RMND5B: variants seen among roughly 807,000 people sequenced by gnomAD.
RMND5B encodes the protein required for meiotic nuclear division 5 homolog B, also known as E3 ubiquitin-protein transferase RMND5B.
In RMND5B, 42 loss-of-function variants were observed where a neutral mutation model predicts 50.4. That is an observed-to-expected ratio of 0.83 (90% CI 0.65 to 1.08). The LOEUF (loss-of-function observed/expected upper bound fraction) is 1.08, where lower values mean the gene tolerates loss of function less well. Among genes scored for constraint, RMND5B ranks in the 50% least tolerant of loss-of-function variants. The probability of loss-of-function intolerance (pLI) is 0.00; values close to 1 mark genes in which losing one functional copy is unlikely to be tolerated. For synonymous variants in RMND5B, 220 were observed against 210.0 expected (o/e 1.05, Z -0.41); for missense variants, 463 against 508.5 (o/e 0.91, Z 0.86).
chr5:178,149,683 C>G lies in RMND5B; in HGVS notation c.*1651C>G, dbSNP rs766666396. Reference sequence around the variant, plus strand: ...CTGCTGCCAGCCCAATAGCTTCCAGCGGCAGGTGCCCAGGTGCTACCGGAG... The same window carrying G: ...CTGCTGCCAGCCCAATAGCTTCCAGGGGCAGGTGCCCAGGTGCTACCGGAG... On this transcript the variant is annotated 3_prime_UTR_variant, in exon 11 of 11. Transcript: ENST00000313386. 1 of 1,611,440 alleles carries G rather than the reference C, an allele frequency of 6.2e-7. No homozygotes were observed. Among genetic ancestry groups the G allele is most frequent in the Non-Finnish European group, 8.5e-7 (1 of 1,179,608 alleles).
At position 178,150,257 on chromosome 5, in the gene RMND5B, T is replaced by TG. The variant is rs1756234514; in HGVS notation, c.*2225_*2226insG. 1 of 217,034 alleles carries TG rather than the reference T, an allele frequency of 4.6e-6. No individual in the cohort carries two copies. Among genetic ancestry groups the TG allele is most frequent in the Admixed American group, 5.2e-5 (1 of 19,052 alleles). The allele number at this position is 217,034 out of a possible 1,614,324, so 13.4% of individuals were successfully genotyped here. A position where few individuals can be genotyped will look rare whatever the true frequency, so the allele number is the denominator to read the frequency against. On this transcript the variant is annotated 3_prime_UTR_variant, in exon 11 of 11. Transcript: ENST00000313386. ...ACATACATCTATCTCTTTATTCTCA[T>TG]AGTCCACAGATAACTGACTATTTGG...
chr5:178,142,451 A>T, intron 3 of RMND5B, 132 bp from the exon 4 acceptor site: 1 of 1,012,426 alleles, frequency 9.9e-7, no homozygotes, highest in Non-Finnish European at 1.5e-6. Flanking sequence ...AAGAGAAGCT[A>T]GTTCTTTCAC....
At chr5:178,147,455 G>C in intron 8 of RMND5B, 78 bp from the exon 9 acceptor site, 1 of 1,128,466 alleles carries the variant, frequency 8.9e-7, no homozygotes, top group Non-Finnish European at 1.3e-6. Context: ...CAAGGTCCAT[G>C]CTGAAGCATG....
At chr5:178,132,644 G>A (rs1758378029) in intron 2 of RMND5B, among the ~76,000 whole-genome samples, 1 of 151,772 alleles carries the variant, frequency 6.6e-6, no homozygotes, top group Non-Finnish European at 1.5e-5. Context: ...TGAGGTGGGA[G>A]GATCACTTGA....
intron 3 of RMND5B, chr5:178,142,248 G>C (rs1475675576): frequency 4.0e-6 from 1 of 251,874 alleles, no homozygotes; most frequent in Non-Finnish European, 7.7e-6. Flanking sequence ...TAACCTGGCA[G>C]TTAAACAGAA....
intron 3 of RMND5B, chr5:178,142,102 T>C (rs1178744652): frequency 6.2e-6 from 1 of 160,346 alleles, no homozygotes; most frequent in Non-Finnish European, 1.4e-5. Flanking sequence ...ACATTTGGGT[T>C]GTTTCCACCT....
rs1421923887 is a variant in RMND5B, at chr5:178,148,031, G to C, written c.1181G>C (p.Ter394SerextTer15). 1 of 1,613,878 alleles carries C rather than the reference G, an allele frequency of 6.2e-7. No homozygotes were observed. The highest frequency in any genetic ancestry group is 8.5e-7 in the Non-Finnish European group (1 of 1,179,956). ...NPADGKRIIF[*>S] ...GCAGATGGGAAACGCATCATATTCT[G>C]ATTCCTACCTGGAAGGAATTTTGTT... The change falls in exon 11 of 11, where the codon TGA (stop) becomes TCA (serine). Residue 394 changes from the stop codon to serine, a stop_lost. Coordinates refer to ENST00000313386, the MANE Select transcript of RMND5B (RefSeq NM_022762.5).
In RMND5B at chr5:178,144,079, T is replaced by A; in HGVS notation, c.665T>A (p.Phe222Tyr). ...GAGGCCCTCAGCTATGCTCGGCACTTCCAGCCCTTTGCTCGGCTGCACCAG... is the reference window on the plus strand; with the variant it reads ...GAGGCCCTCAGCTATGCTCGGCACTACCAGCCCTTTGCTCGGCTGCACCAG... Reference protein sequence around the residue: ...QLEALSYARHFQPFARLHQRE... With the variant: ...QLEALSYARHYQPFARLHQRE... The change falls in exon 7 of 11, where the codon TTC becomes TAC. Residue 222 changes from phenylalanine (F) to tyrosine (Y), a missense_variant. Coordinates refer to ENST00000313386, the MANE Select transcript of RMND5B (RefSeq NM_022762.5). 6.2e-7 allele frequency: 1 copy of A among 1,614,088 alleles called. No individual in the cohort carries two copies. The highest frequency in any genetic ancestry group is 8.5e-7 in the Non-Finnish European group (1 of 1,180,004).
chr5:178,144,720 G>GAAAAAAAAAAGAAAAAAA (rs1755890269), intron 7 of RMND5B, among the ~76,000 whole-genome samples: 1 of 111,746 alleles, frequency 8.9e-6, no homozygotes, highest in African/African-American at 3.5e-5. Context: ...CTCCGTCTCA[G>GAAAAAAAAAAGAAAAAAA]AAAAAAAAAA....
At chr5:178,133,096 C>T (rs1365367667) in intron 2 of RMND5B, among the ~76,000 whole-genome samples, 1 of 152,060 alleles carries the variant, frequency 6.6e-6, no homozygotes, top group Non-Finnish European at 1.5e-5. Context: ...AACTCCTGAC[C>T]TTGTGATCCG....
intron 2 of RMND5B, among the ~76,000 whole-genome samples, chr5:178,136,931 T>C (rs572274645): frequency 6.6e-6 from 1 of 151,736 alleles, no homozygotes; most frequent in African/African-American, 2.4e-5. Context: ...GGAGGGAAGG[T>C]TGTGTTGCAG....
At position 178,138,229 on chromosome 5, in the gene RMND5B, G is replaced by C; in HGVS notation, c.110G>C (p.Gly37Ala). ...RSLEELLHYV[G>A]QLRAELASAA... ...CTGGAGGAGCTGCTGCACTACGTGG[G>C]CCAGCTGCGGGCTGAGCTGGCCAGC... Residue 37 changes from glycine to alanine, a missense_variant, in exon 3 of 11, where the codon GGC becomes GCC. Physicochemically the swap from Gly to Ala is moderately conservative, Grantham distance 60. Coordinates refer to ENST00000313386, the MANE Select transcript of RMND5B (RefSeq NM_022762.5). The surrounding 1 kb of genome is among the most constrained non-coding windows in gnomAD (Gnocchi z 5.1). 1 of 1,613,712 alleles carries C rather than the reference G, an allele frequency of 6.2e-7. No homozygotes were observed. Among genetic ancestry groups the C allele is most frequent in the Non-Finnish European group, 8.5e-7 (1 of 1,179,810 alleles).
chr5:178,139,838 G>C (rs775269045), intron 3 of RMND5B, among the ~76,000 whole-genome samples: 52 of 151,560 alleles, frequency 3.4e-4, no homozygotes, highest in Non-Finnish European at 6.2e-4. Flanking sequence ...GATTACAGGT[G>C]TGAGCCACCA....
intron 2 of RMND5B, among the ~76,000 whole-genome samples, chr5:178,133,837 G>A (rs535360921): frequency 1.3e-5 from 2 of 151,806 alleles, no homozygotes; most frequent in African/African-American, 2.4e-5. Context: ...CCAGCCTCCC[G>A]AGTAGCTGGG....
intron 7 of RMND5B, 176 bp from the exon 8 acceptor site, chr5:178,145,938 A>G: frequency 1.7e-6 from 1 of 587,410 alleles, no homozygotes; most frequent in Admixed American, 3.0e-5. Context: ...CCACCTCCCC[A>G]GTGGATTTTA....
intron 5 of RMND5B, 24 bp from the exon 6 acceptor site, chr5:178,143,603 G>C (rs370550326): frequency 6.7e-5 from 103 of 1,547,836 alleles, no homozygotes; most frequent in Non-Finnish European, 8.1e-5. Flanking sequence ...CCAGTGGTGG[G>C]ATCTCTTCTC....
At chr5:178,146,366 A>G (rs1445899978) in intron 8 of RMND5B, 87 bp downstream of exon 8, 3 of 1,309,534 alleles carry the variant, frequency 2.3e-6, no homozygotes, top group Non-Finnish European at 3.2e-6. Flanking sequence ...TGCCAGGAAC[A>G]GTGCTCGGTG....
chr5:178,149,810 C>G lies in RMND5B; in HGVS notation c.*1778C>G, dbSNP rs1383213989. ...CTTGACCATTATCACACAGGTGGGGCGCTTGGAGCCTGCGGCTGCACCCAG... is the reference window on the plus strand; with the variant it reads ...CTTGACCATTATCACACAGGTGGGGGGCTTGGAGCCTGCGGCTGCACCCAG... On this transcript the variant is annotated 3_prime_UTR_variant, in exon 11 of 11. Coordinates refer to ENST00000313386, the MANE Select transcript of RMND5B (RefSeq NM_022762.5). The G allele has an allele frequency of 6.2e-7, 1 of 1,613,668 alleles. No homozygotes were observed. The highest frequency in any genetic ancestry group is 1.3e-5 in the African/African-American group (1 of 74,920).
rs775957514 is a variant in RMND5B at position 178,143,608 on chromosome 5, C to T, written c.427-19C>T. ...ACACCATCTTCCAGTGGTGGGATCT[C>T]TTCTCTCTCTCCTTGTAGGAATCAA... On this transcript the variant is annotated intron_variant, in intron 5 of 10. Transcript: ENST00000313386. 6.3e-7 allele frequency: 1 copy of T among 1,583,124 alleles called. No individual in the cohort carries two copies. Among genetic ancestry groups the T allele is most frequent in the Non-Finnish European group, 8.7e-7 (1 of 1,152,006 alleles).
Sources: allele counts gnomAD v4.1 joint callset (sites outside exome capture counted in the v4.1 genomes callset), GRCh38; gene constraint gnomAD v4.1.1; non-coding constraint Gnocchi (gnomAD v3.1); transcripts MANE v1.5; gene names NCBI Gene and HGNC (gene_info 2026-07-23, HGNC 2026-07-21).